The following NCL variants were observed in gnomAD, a reference collection of about 807,000 sequenced individuals.
NCL encodes the protein nucleolin multifunctional protein.
NCL carries 4 observed loss-of-function variants against 77.7 expected under a neutral mutation model. That is an observed-to-expected ratio of 0.05 (90% confidence interval 0.03 to 0.12). The LOEUF (loss-of-function observed/expected upper bound fraction) is 0.12. Ranked by LOEUF, NCL falls within the 10% of genes least tolerant of loss-of-function variation. The pLI, the probability that NCL is intolerant of heterozygous loss-of-function variation, is 1.00. For synonymous variants in NCL, 344 were observed against 297.8 expected (o/e 1.16, Z -1.60); for missense variants, 763 against 860.9 (o/e 0.89, Z 1.42).
Position 231,464,471 on chromosome 2 carries a change from G to A in NCL, c.-118C>T, listed in dbSNP as rs528798106. On this transcript the variant is annotated 5_prime_UTR_variant, in exon 1 of 14. Transcript: ENST00000322723. ...GGAGCACGTACACCCGAAGGCCAGC[G>A]AGAGCTCGAGACTGAGGCGAAAGAC... 1 of 1,388,984 alleles carries A rather than the reference G, an allele frequency of 7.2e-7. No individual in the cohort carries two copies. Among genetic ancestry groups the A allele is most frequent in the African/African-American group, 1.4e-5 (1 of 69,790 alleles). The allele number at this position is 1,388,984 out of a possible 1,614,324, so 86.0% of individuals were successfully genotyped here. A position where few individuals can be genotyped will look rare whatever the true frequency, so the allele number is the denominator to read the frequency against.
chr2:231,457,712 A>G lies in NCL; in HGVS notation c.1378T>C (p.Ser460Pro). Residue 460 changes from serine to proline, a missense_variant, in exon 9 of 14, where the codon TCC becomes CCC. Coordinates refer to ENST00000322723, the MANE Select transcript of NCL (RefSeq NM_005381.3). ...CCTTTCTCTCCAGTATAGTACAGGGAAATAGATCGCCCATCGATCTCTGTT... is the reference window on the plus strand; with the variant it reads ...CCTTTCTCTCCAGTATAGTACAGGGGAATAGATCGCCCATCGATCTCTGTT... ...QGTEIDGRSI[S>P]LYYTGEKGQN... The G allele has an allele frequency of 6.2e-7, 1 of 1,613,158 alleles. No homozygotes were observed. Among genetic ancestry groups the G allele is most frequent in the Non-Finnish European group, 8.5e-7 (1 of 1,179,320 alleles).
rs199829854 is a variant in NCL, at chr2:231,460,685, TTCCTCC to T, written c.789_794del (p.Glu270_Glu271del). ...TTTAAGTACCTTCCTCCTCCTCTTC[TTCCTCC>T]TCCTCATCATCTTCATCATCATCAT... On this transcript the variant is annotated inframe_deletion, in exon 4 of 14. Coordinates refer to ENST00000322723, the MANE Select transcript of NCL (RefSeq NM_005381.3). 1 of 1,612,526 alleles carries T rather than the reference TTCCTCC, an allele frequency of 6.2e-7. No homozygotes were observed. Among genetic ancestry groups the T allele is most frequent in the African/African-American group, 1.3e-5 (1 of 74,800 alleles).
At position 231,461,997 on chromosome 2, in the gene NCL, T is replaced by C. The variant is rs759104022; in HGVS notation, c.156A>G (p.Lys52=). ...SGEEVVIPQK[K]GKKAAATSAK... ...CTGAGGTTGCAGCAGCCTTCTTGCC[T>C]TTCTTCTGAGGTATGACGACCTTGA... The change falls in exon 3 of 14, where the codon AAA becomes AAG. Residue 52 remains lysine, a synonymous_variant. Transcript: ENST00000322723. 8 of 1,614,018 alleles carry C rather than the reference T, an allele frequency of 5.0e-6. No individual in the cohort carries two copies. The highest frequency in any genetic ancestry group is 1.6e-4 in the Middle Eastern group (1 of 6,084).
chr2:231,458,369 A>C lies in NCL; in HGVS notation c.1186T>G (p.Leu396Val). 1.2e-6 allele frequency: 2 copies of C among 1,613,968 alleles called. No individual in the cohort carries two copies. The highest frequency in any genetic ancestry group is 1.7e-6 in the Non-Finnish European group (2 of 1,179,956). The change falls in exon 8 of 14, where the codon TTG (leucine) becomes GTG (valine). Residue 396 changes from leucine to valine, a missense_variant. By Grantham distance (32) the Leu-to-Val change is conservative. Around this residue, in one of 2 missense-constraint regions of NCL, gnomAD observed 590 missense variants for 570.5 expected, o/e 1.03. Transcript: ENST00000322723. ...SKKERDARTLLAKNLPYKVTQ... is the reference protein window; with the variant it reads ...SKKERDARTLVAKNLPYKVTQ... Reference sequence around the variant, plus strand: ...ACTTTGTAAGGGAGATTTTTAGCCAAAAGTGTTCTCGCATCTCGCTCTAGA... The same window carrying C: ...ACTTTGTAAGGGAGATTTTTAGCCACAAGTGTTCTCGCATCTCGCTCTAGA...
At chr2:231,460,626 T>C in intron 4 of NCL, 43 bp downstream of exon 4, 2 of 1,614,088 alleles carry the variant, frequency 1.2e-6, no homozygotes, top group Middle Eastern at 1.6e-4. Flanking sequence ...AGTGCCTCCT[T>C]TAAACATAAC....
intron 11 of NCL, 165 bp from the exon 12 acceptor site, chr2:231,456,301 G>T (rs2046887287): frequency 1.0e-6 from 1 of 970,726 alleles, no homozygotes; most frequent in African/African-American, 1.6e-5. Flanking sequence ...GCTATTCTGG[G>T]TTTACATTTT....
intron 6 of NCL, among the ~76,000 whole-genome samples, chr2:231,459,513 G>A (rs907588387): frequency 3.3e-5 from 5 of 151,800 alleles, no homozygotes; most frequent in East Asian, 3.9e-4. Flanking sequence ...AAATTGAGAC[G>A]GTGTCTCAAT....
chr2:231,460,820 T>C lies in NCL; in HGVS notation c.660A>G (p.Lys220=), dbSNP rs751860806. The change falls in exon 4 of 14, where the codon AAA becomes AAG. Residue 220 remains lysine, a synonymous_variant. Transcript: ENST00000322723. ...CTTTCACAGGAACAACTTTTGCAGC[T>C]TTCTTTCCTTTGGCTGGTGTAGTCT... ...AMETTPAKGK[K]AAKVVPVKAK... 6.8e-6 allele frequency: 11 copies of C among 1,614,192 alleles called. No homozygotes were observed. Among genetic ancestry groups the C allele is most frequent in the South Asian group, 6.6e-5 (6 of 91,088 alleles).
Position 231,461,560 on chromosome 2 carries a change from T to A in NCL, c.593A>T (p.Asp198Val), listed in dbSNP as rs1559542484. ...CTTACCATCTTCCTCATCGTCATCG[T>A]CATCCTCATCATCTTCGTCATCCTC... ...DDEDDEDDED[D>V]DDDEEDDSEE... Residue 198 changes from aspartate (D) to valine (V), a missense_variant, in exon 3 of 14, where the codon GAC becomes GTC. Asp to Val is a radical substitution (Grantham distance 152). Coordinates refer to ENST00000322723, the MANE Select transcript of NCL (RefSeq NM_005381.3). 2 of 1,613,622 alleles carry A rather than the reference T, an allele frequency of 1.2e-6. No individual in the cohort carries two copies. Among genetic ancestry groups the A allele is most frequent in the South Asian group, 2.2e-5 (2 of 91,052 alleles).
In NCL at chr2:231,464,320, G is replaced by C. The variant is rs769530501; in HGVS notation, c.18+16C>G. ...AGCAGGCCTACACGTCTGCGCTCGC[G>C]CTCAAGGCCGTTTACCTTCGCGAGC... is the stretch of plus-strand genomic sequence containing the variant. On this transcript the variant is annotated intron_variant, in intron 1 of 13. Transcript: ENST00000322723. 1 of 1,588,554 alleles carries C rather than the reference G, an allele frequency of 6.3e-7. No homozygotes were observed. The highest frequency in any genetic ancestry group is 1.1e-5 in the South Asian group (1 of 87,554).
chr2:231,455,337 C>G, intron 13 of NCL, 64 bp downstream of exon 13: 2 of 1,613,286 alleles, frequency 1.2e-6, no homozygotes, highest in Non-Finnish European at 1.7e-6. Flanking sequence ...GATTAGGAAC[C>G]GTGACAGGGC....
At chr2:231,463,486 T>C (rs1238438548) in intron 1 of NCL, 170 bp from the exon 2 acceptor site, 3 of 635,840 alleles carry the variant, frequency 4.7e-6, no homozygotes, top group Non-Finnish European at 8.3e-6. Context: ...CAAGAGGGAC[T>C]ACTCTCAACC....
intron 2 of NCL, chr2:231,462,967 A>G (rs988114239): frequency 6.3e-5 from 31 of 494,934 alleles, no homozygotes; most frequent in Non-Finnish European, 1.0e-4. Context: ...TCACACTCCA[A>G]GCCCTGCAGA....
At chr2:231,458,941 C>A in intron 7 of NCL, 60 bp downstream of exon 7, 1 of 1,433,876 alleles carries the variant, frequency 7.0e-7, no homozygotes, top group Non-Finnish European at 9.2e-7. Context: ...GGTTACAAAG[C>A]ATTTTCCCTA....
chr2:231,459,512 C>T lies in NCL; in HGVS notation c.1041-387G>A, dbSNP rs114865104. 3.1e-3 allele frequency among the ~76,000 whole-genome samples: 469 copies of T among 151,990 alleles called. 5 individuals carry two copies. The highest frequency in any genetic ancestry group is 0.011 in the African/African-American group (444 of 41,472). On this transcript the variant is annotated intron_variant, in intron 6 of 13. Transcript: ENST00000322723. ...AAATAAACATTATTTTAAATTGAGACGGTGTCTCAATCTGTTGCCCAGGCT... is the reference window on the plus strand; with the variant it reads ...AAATAAACATTATTTTAAATTGAGATGGTGTCTCAATCTGTTGCCCAGGCT...
intron 3 of NCL, 51 bp from the exon 4 acceptor site, chr2:231,460,917 G>C (rs763995669): frequency 2.1e-6 from 3 of 1,395,842 alleles, no homozygotes; most frequent in South Asian, 2.3e-5. Flanking sequence ...AACCAACATC[G>C]GTTTTCAAAT....
In NCL at chr2:231,455,294, A is replaced by C. The variant is rs765972107; in HGVS notation, c.2057-27T>G. 3.1e-6 allele frequency: 5 copies of C among 1,614,028 alleles called. No individual in the cohort carries two copies. The East Asian group carries it at 6.7e-5, about 22-fold the overall frequency. ...TACAGGAGGAAGGCAAGACACTGTTAAAAGAATGGGTACAAAGCTCCTCCT... is the reference window on the plus strand; with the variant it reads ...TACAGGAGGAAGGCAAGACACTGTTCAAAGAATGGGTACAAAGCTCCTCCT... On this transcript the variant is annotated intron_variant, in intron 13 of 13. Coordinates refer to ENST00000322723, the MANE Select transcript of NCL (RefSeq NM_005381.3).
chr2:231,456,461 T>A (rs2046889065), intron 11 of NCL, 170 bp downstream of exon 11: 4 of 1,222,442 alleles, frequency 3.3e-6, no homozygotes, highest in Non-Finnish European at 4.8e-6. Context: ...AGAACTTGAC[T>A]ATCTAGAGGA....
intron 4 of NCL, 39 bp from the exon 5 acceptor site, chr2:231,460,603 CCA>C: frequency 6.2e-7 from 1 of 1,614,128 alleles, no homozygotes; most frequent in Non-Finnish European, 8.5e-7. Context: ...ACATCAGTAG[CCA>C]CAAACACTTA....
Sources: gnomAD v4.1 joint callset for allele counts (sites outside exome capture counted in the v4.1 genomes callset) on GRCh38, gnomAD v4.1.1 for gene constraint, gnomAD v4.1.1 regional missense constraint, MANE v1.5 for transcripts, NCBI Gene and HGNC (gene_info 2026-07-23, HGNC 2026-07-21) for gene names.